The following IRAG1 variants were observed in gnomAD, a reference collection of about 807,000 sequenced individuals.
IRAG1 encodes the protein IP3R-associated cGMP kinase substrate.
IRAG1 carries 62 observed loss-of-function variants against 106.2 expected under a neutral mutation model. The ratio of observed to expected loss-of-function variants is 0.58; its 90% CI spans 0.48 to 0.72. The LOEUF (loss-of-function observed/expected upper bound fraction) is 0.72. Among genes scored for constraint, IRAG1 ranks in the 30% least tolerant of loss-of-function variants. IRAG1 has a pLI of 0.00. For missense variants in IRAG1, 1,064 were observed against 1,140.7 expected, an observed-to-expected ratio of 0.93 and a Z score of 0.97; for synonymous variants, 462 against 443.9, an observed-to-expected ratio of 1.04 and a Z score of -0.51.
chr11:10,680,264 A>T (rs1378937604), intron 1 of IRAG1, among the ~76,000 whole-genome samples: 1 of 136,272 alleles, frequency 7.3e-6, no homozygotes, highest in Non-Finnish European at 1.6e-5. Context: ...CAAGAATGAA[A>T]CTGAGGAAAG....
chr11:10,595,591 TTA>T (rs1853209829), intron 15 of IRAG1: 1 of 152,228 alleles, frequency 6.6e-6, no homozygotes, highest in South Asian at 2.1e-4. Flanking sequence ...AAATTATTCA[TTA>T]TGTTTGTTGA....
At chr11:10,640,133 C>T (rs950498383) in intron 2 of IRAG1, among the ~76,000 whole-genome samples, 8 of 152,104 alleles carry the variant, frequency 5.3e-5, no homozygotes, top group East Asian at 1.9e-4. Context: ...GTACAAGGCA[C>T]GGGAGTGAGC....
chr11:10,629,537 C>A lies in IRAG1; in HGVS notation c.574+1G>T. On this transcript the variant is annotated splice_donor_variant, in intron 5 of 20. Transcript: ENST00000423302. LOFTEE classifies it high-confidence loss of function. ...GCCACCTGTACATCCTGCCACCCTA[C>A]CTGATGGGGAGTCTCCGGGGCTGCT... The A allele has an allele frequency of 6.2e-7, 1 of 1,612,184 alleles. No homozygotes were observed. Among genetic ancestry groups the A allele is most frequent in the Non-Finnish European group, 8.5e-7 (1 of 1,179,014 alleles).
intron 10 of IRAG1, among the ~76,000 whole-genome samples, chr11:10,614,624 C>T (rs1374168031): frequency 6.6e-6 from 1 of 152,168 alleles, no homozygotes; most frequent in Non-Finnish European, 1.5e-5. Context: ...ACAAAGCCCT[C>T]AGAAATAATA....
At chr11:10,679,488 T>A (rs1347075443) in intron 1 of IRAG1, among the ~76,000 whole-genome samples, 1 of 152,202 alleles carries the variant, frequency 6.6e-6, no homozygotes, top group Non-Finnish European at 1.5e-5. Flanking sequence ...AAGTTCAATG[T>A]GATGCTGTGA....
In IRAG1 at chr11:10,690,345, C is replaced by T. The variant is rs150834767; in HGVS notation, c.67+3191G>A. The T allele has an allele frequency of 2.7e-3, 3,446 of 1,266,454 alleles. 9 individuals are homozygous for T. The highest frequency in any genetic ancestry group is 3.7e-3 in the Admixed American group (157 of 42,662). 78.5% of individuals were successfully genotyped at this position (1,266,454 alleles called of 1,614,324 possible). ...GTGGGGTTGCACCACTGCACTCCAG[C>T]CTGGGTGACAGTGCGAGACCCTGTC... On this transcript the variant is annotated intron_variant, in intron 1 of 20. Transcript: ENST00000423302.
chr11:10,600,685 A>G (rs1281722388), intron 15 of IRAG1, among the ~76,000 whole-genome samples: 2 of 152,186 alleles, frequency 1.3e-5, no homozygotes, highest in Non-Finnish European at 2.9e-5. Context: ...ACTGTGATTT[A>G]TTGCTTTGGG....
chr11:10,663,680 G>T (rs1301950460), intron 1 of IRAG1, among the ~76,000 whole-genome samples: 1 of 152,186 alleles, frequency 6.6e-6, no homozygotes, highest in African/African-American at 2.4e-5. Context: ...AAAGCCTGAG[G>T]GCAGATAGCT....
At position 10,627,986 on chromosome 11, in the gene IRAG1, C is replaced by G. The variant is rs777073574; in HGVS notation, c.692G>C (p.Gly231Ala). The G allele has an allele frequency of 1.9e-6, 3 of 1,609,216 alleles. No homozygotes were observed. The highest frequency in any genetic ancestry group is 3.3e-5 in the Admixed American group (2 of 59,770). Reference sequence around the variant, plus strand: ...GGGTCCTGTCACCTGTGGTGGTGCTCCAGGCAGAGGGGATGGCGGGCCACT... The same window carrying G: ...GGGTCCTGTCACCTGTGGTGGTGCTGCAGGCAGAGGGGATGGCGGGCCACT... ...VCSGPPSPLP[G>A]APPQKGDEAD... The change falls in exon 7 of 21, where the codon GGA becomes GCA. Residue 231 changes from glycine to alanine, a missense_variant. Physicochemically the swap from Gly to Ala is moderately conservative, Grantham distance 60 (BLOSUM62 0). Transcript: ENST00000423302.
chr11:10,620,939 A>C (rs981479953), intron 10 of IRAG1, among the ~76,000 whole-genome samples: 2 of 152,232 alleles, frequency 1.3e-5, no homozygotes, highest in African/African-American at 4.8e-5. Context: ...CACCCATTAA[A>C]TCATAACTGA....
intron 10 of IRAG1, among the ~76,000 whole-genome samples, chr11:10,622,999 A>T (rs2134534276): frequency 6.6e-6 from 1 of 152,264 alleles, no homozygotes. Context: ...TATAGATATT[A>T]GCTGCTTTAA....
intron 12 of IRAG1, 27 bp from the exon 13 acceptor site, chr11:10,604,572 G>T: frequency 1.2e-6 from 2 of 1,613,882 alleles, no homozygotes; most frequent in South Asian, 2.2e-5. Context: ...TGTGAGAGAG[G>T]TGCTGGGAGG....
chr11:10,654,397 C>T (rs1015986433), intron 1 of IRAG1, among the ~76,000 whole-genome samples: 1 of 152,216 alleles, frequency 6.6e-6, no homozygotes, highest in African/African-American at 2.4e-5. Context: ...TCAAGGTGAC[C>T]ACCATCTTGA....
At chr11:10,661,691 C>T (rs970536603) in intron 1 of IRAG1, among the ~76,000 whole-genome samples, 10 of 152,192 alleles carry the variant, frequency 6.6e-5, no homozygotes, top group African/African-American at 1.9e-4. Flanking sequence ...TTTCCTTCTC[C>T]TCTGACTTTC....
chr11:10,687,825 C>A, intron 1 of IRAG1: 1 of 1,287,896 alleles, frequency 7.8e-7, no homozygotes, highest in Non-Finnish European at 1.0e-6. Context: ...CTAATGTATA[C>A]CGAGTGCTAA....
chr11:10,587,835 G>A (rs1042850647), intron 18 of IRAG1, among the ~76,000 whole-genome samples: 5 of 152,082 alleles, frequency 3.3e-5, no homozygotes, highest in Admixed American at 2.0e-4. Context: ...ACTGAACTTC[G>A]TTTTGTTCTT....
At chr11:10,636,883 G>T (rs945498002) in intron 2 of IRAG1, among the ~76,000 whole-genome samples, 1 of 152,214 alleles carries the variant, frequency 6.6e-6, no homozygotes, top group African/African-American at 2.4e-5. Context: ...GGCATTACTG[G>T]GAATCAGGGA....
chr11:10,680,286 AAGAG>A (rs545987487), intron 1 of IRAG1, among the ~76,000 whole-genome samples: 72 of 125,598 alleles, frequency 5.7e-4, no homozygotes, highest in African/African-American at 2.0e-3. Context: ...AAGAAAGAAA[AAGAG>A]AGAGAGAGAG....
Position 10,626,426 on chromosome 11 carries a change from G to A in IRAG1, c.908C>T (p.Pro303Leu), listed in dbSNP as rs1856250142. ...FDPLQYPETT[P>L]KGLAPVTNSS... ...GTTTGTAACAGGAGCTAGGCCTTTG[G>A]GTGTGGTCTCGGGGTACTGGAGGGG... Residue 303 changes from proline (P) to leucine (L), a missense_variant, in exon 9 of 21, where the codon CCC becomes CTC. Pro to Leu is a moderately conservative substitution (Grantham distance 98). Coordinates refer to ENST00000423302, the MANE Select transcript of IRAG1 (RefSeq NM_130385.4). The A allele has an allele frequency of 6.2e-7, 1 of 1,613,958 alleles. No homozygotes were observed. The highest frequency in any genetic ancestry group is 8.5e-7 in the Non-Finnish European group (1 of 1,179,874).
Sources: gnomAD v4.1 joint callset for allele counts (sites outside exome capture counted in the v4.1 genomes callset) on GRCh38, gnomAD v4.1.1 for gene constraint, MANE v1.5 for transcripts, NCBI Gene and HGNC (gene_info 2026-07-23, HGNC 2026-07-21) for gene names.